The following PRR15L variants were observed in gnomAD, a reference collection of about 807,000 sequenced individuals.
PRR15L encodes proline rich 15 like, also known as proline-rich protein 15-like protein.
Under a neutral mutation model 3.7 loss-of-function variants are expected in PRR15L, and 1 was observed. The ratio of observed to expected loss-of-function variants is 0.27; its 90% CI spans 0.09 to 1.27. The LOEUF (loss-of-function observed/expected upper bound fraction) is 1.27. Ranked by LOEUF, PRR15L falls within the 50% of genes most tolerant of loss-of-function variation. The pLI, the probability that PRR15L is intolerant of heterozygous loss-of-function variation, is 0.47. For missense variants in PRR15L, 127 were observed against 128.7 expected (o/e 0.99, Z 0.06); for synonymous variants, 57 against 51.9 (o/e 1.10, Z -0.42).
chr17:47,955,517 G>A (rs1205933657), intron 1 of PRR15L, among the ~76,000 whole-genome samples: 2 of 150,916 alleles, frequency 1.3e-5, no homozygotes, highest in African/African-American at 4.9e-5. Context: ...TGCCAGCTCT[G>A]TCCCTTTAGC....
At position 47,952,684 on chromosome 17, in the gene PRR15L, T is replaced by C. The variant is rs2875735; in HGVS notation, c.*239A>G. On this transcript the variant is annotated 3_prime_UTR_variant, in exon 2 of 2. Coordinates refer to ENST00000300557, the MANE Select transcript of PRR15L (RefSeq NM_024320.4). ...GTTCCTCCTGGGTGAGACTTTTCAC[T>C]CTTGAACTAGAGTGCCTTTGTATGT... 0.38 allele frequency: 163,468 copies of C among 430,184 alleles called. 32,358 individuals are homozygous for C. The highest frequency in any genetic ancestry group is 0.57 in the East Asian group (15,940 of 28,192). The allele number at this position is 430,184 out of a possible 1,614,324, so 26.6% of individuals were successfully genotyped here.
Position 47,952,012 on chromosome 17 carries a change from C to G in PRR15L, c.*911G>C, listed in dbSNP as rs1231281793. ...TTACTTACATGAAGGAACATAAAGG[C>G]ATGAGAAACAGTCATCTCAATAAAT... is the stretch of plus-strand genomic sequence containing the variant. On this transcript the variant is annotated 3_prime_UTR_variant, in exon 2 of 2. Coordinates refer to ENST00000300557, the MANE Select transcript of PRR15L (RefSeq NM_024320.4). 6.6e-6 allele frequency: 1 copy of G among 152,162 alleles called. No homozygotes were observed. The highest frequency in any genetic ancestry group is 6.5e-5 in the Admixed American group (1 of 15,280). The allele number at this position is 152,162 out of a possible 1,614,324, so 9.4% of individuals were successfully genotyped here. A position where few individuals can be genotyped will look rare whatever the true frequency, so the allele number is the denominator to read the frequency against.
chr17:47,953,258 G>T lies in PRR15L; in HGVS notation c.-24C>A. Reference sequence around the variant, plus strand: ...ATGGCGCTCCCTAAGCCAAGGATGGGGCTTTCTGCTGGAGCAGGGTGGGGG... The same window carrying T: ...ATGGCGCTCCCTAAGCCAAGGATGGTGCTTTCTGCTGGAGCAGGGTGGGGG... On this transcript the variant is annotated 5_prime_UTR_variant, in exon 2 of 2. Transcript: ENST00000300557. 1 of 1,535,606 alleles carries T rather than the reference G, an allele frequency of 6.5e-7. No individual in the cohort carries two copies. The highest frequency in any genetic ancestry group is 8.7e-7 in the Non-Finnish European group (1 of 1,143,264).
At chr17:47,956,628 C>T (rs746664761) in intron 1 of PRR15L, among the ~76,000 whole-genome samples, 3 of 152,280 alleles carry the variant, frequency 2.0e-5, no homozygotes, top group Non-Finnish European at 2.9e-5. Flanking sequence ...AAAAATTAGC[C>T]GACTATTCTT....
At chr17:47,954,132 G>T (rs1035525176) in intron 1 of PRR15L, among the ~76,000 whole-genome samples, 1 of 152,230 alleles carries the variant, frequency 6.6e-6, no homozygotes, top group Admixed American at 6.5e-5. Flanking sequence ...GTGGTGACCA[G>T]CAGGGCTAAA....
intron 1 of PRR15L, among the ~76,000 whole-genome samples, chr17:47,955,364 G>A (rs529333479): frequency 2.0e-5 from 3 of 152,166 alleles, no homozygotes; most frequent in East Asian, 1.9e-4. Flanking sequence ...AGGAGAGCAC[G>A]ACGCAGGCCT....
At position 47,952,732 on chromosome 17, in the gene PRR15L, C is replaced by T; in HGVS notation, c.*191G>A. 1 of 561,700 alleles carries T rather than the reference C, an allele frequency of 1.8e-6. No individual in the cohort carries two copies. The highest frequency in any genetic ancestry group is 3.1e-6 in the Non-Finnish European group (1 of 323,040). 34.8% of individuals were successfully genotyped at this position (561,700 alleles called of 1,614,324 possible). Reference sequence around the variant, plus strand: ...TGTGGTCAGGGGGAGGGTGGAGGACCCTGGGATCTCCCAGGCCTTACAAAA... The same window carrying T: ...TGTGGTCAGGGGGAGGGTGGAGGACTCTGGGATCTCCCAGGCCTTACAAAA... On this transcript the variant is annotated 3_prime_UTR_variant, in exon 2 of 2. Coordinates refer to ENST00000300557, the MANE Select transcript of PRR15L (RefSeq NM_024320.4).
chr17:47,954,522 T>C (rs1263377925), intron 1 of PRR15L, among the ~76,000 whole-genome samples: 1 of 152,130 alleles, frequency 6.6e-6, no homozygotes, highest in Non-Finnish European at 1.5e-5. Flanking sequence ...GGGGCTGAAA[T>C]CCAGGCTTCT....
chr17:47,952,683 C>A lies in PRR15L; in HGVS notation c.*240G>T. ...TGTTCCTCCTGGGTGAGACTTTTCA[C>A]TCTTGAACTAGAGTGCCTTTGTATG... On this transcript the variant is annotated 3_prime_UTR_variant, in exon 2 of 2. Transcript: ENST00000300557. 1 of 429,880 alleles carries A rather than the reference C, an allele frequency of 2.3e-6. No homozygotes were observed. The highest frequency in any genetic ancestry group is 4.2e-6 in the Non-Finnish European group (1 of 239,982). 26.6% of individuals were successfully genotyped at this position (429,880 alleles called of 1,614,324 possible).
At chr17:47,955,186 C>T (rs1210968703) in intron 1 of PRR15L, among the ~76,000 whole-genome samples, 2 of 152,164 alleles carry the variant, frequency 1.3e-5, no homozygotes, top group Non-Finnish European at 2.9e-5. Flanking sequence ...ACCTCGGCCT[C>T]CCAAAGTGCT....
chr17:47,955,704 G>A (rs954245685), intron 1 of PRR15L, among the ~76,000 whole-genome samples: 6 of 152,192 alleles, frequency 3.9e-5, no homozygotes, highest in Non-Finnish European at 2.9e-5. Context: ...GCTTAGCACA[G>A]CCTTGTACAG....
intron 1 of PRR15L, among the ~76,000 whole-genome samples, chr17:47,954,208 G>T (rs1014818663): frequency 2.0e-5 from 3 of 152,200 alleles, no homozygotes; most frequent in Admixed American, 1.3e-4. Context: ...AGTCCTGGGG[G>T]CTGTCCTAGC....
chr17:47,952,567 C>G lies in PRR15L; in HGVS notation c.*356G>C. On this transcript the variant is annotated 3_prime_UTR_variant, in exon 2 of 2. Transcript: ENST00000300557. ...TTGAAACTCGCCCTTGACCCTGTGT[C>G]CAGTAAGGAGGTGAAGTCTGTCTGG... 4.8e-6 allele frequency: 1 copy of G among 209,888 alleles called. No individual in the cohort carries two copies. The highest frequency in any genetic ancestry group is 9.6e-6 in the Non-Finnish European group (1 of 104,586). 13.0% of individuals were successfully genotyped at this position (209,888 alleles called of 1,614,324 possible).
At chr17:47,953,673 AAAG>A (rs1001388726) in intron 1 of PRR15L, among the ~76,000 whole-genome samples, 18 of 149,324 alleles carry the variant, frequency 1.2e-4, no homozygotes, top group Middle Eastern at 3.4e-3. Context: ...AAAAAAAAAG[AAAG>A]AAGAAGAAGA....
rs529724738 is a variant in PRR15L at position 47,952,195 on chromosome 17, A to G, written c.*728T>C. The G allele has an allele frequency of 6.6e-6, 1 of 152,288 alleles. No individual in the cohort carries two copies. Among genetic ancestry groups the G allele is most frequent in the African/African-American group, 2.4e-5 (1 of 41,562 alleles). 9.4% of individuals were successfully genotyped at this position (152,288 alleles called of 1,614,324 possible). A position where few individuals can be genotyped will look rare whatever the true frequency, so the allele number is the denominator to read the frequency against. On this transcript the variant is annotated 3_prime_UTR_variant, in exon 2 of 2. Coordinates refer to ENST00000300557, the MANE Select transcript of PRR15L (RefSeq NM_024320.4). ...ATTATAGTAGGAAAGGGAGAGGAGA[A>G]AATTCCCCACCCACTCCCCCGATTT...
intron 1 of PRR15L, among the ~76,000 whole-genome samples, chr17:47,955,615 T>C (rs1405718452): frequency 1.3e-5 from 2 of 152,180 alleles, no homozygotes; most frequent in East Asian, 1.9e-4. Flanking sequence ...GCTCCATAAA[T>C]ACTTCCAGGG....
At chr17:47,953,360 T>G (rs1354861236) in intron 1 of PRR15L, 97 bp from the exon 2 acceptor site, 3 of 748,208 alleles carry the variant, frequency 4.0e-6, no homozygotes, top group Non-Finnish European at 6.5e-6. Flanking sequence ...ATGGGCTGTT[T>G]TAAGAATTAA....
At chr17:47,953,668 AAAAG>A (rs1344278042) in intron 1 of PRR15L, among the ~76,000 whole-genome samples, 1 of 151,930 alleles carries the variant, frequency 6.6e-6, no homozygotes, top group Non-Finnish European at 1.5e-5. Flanking sequence ...AAAAAAAAAA[AAAAG>A]AAAGAAGAAG....
At chr17:47,953,289 A>G in intron 1 of PRR15L, 26 bp from the exon 2 acceptor site, 1 of 1,436,636 alleles carries the variant, frequency 7.0e-7, no homozygotes. Flanking sequence ...GGGGGAGACA[A>G]AGGGGTCAGT....
Sources: gnomAD v4.1 joint callset for allele counts (sites outside exome capture counted in the v4.1 genomes callset) on GRCh38, gnomAD v4.1.1 for gene constraint, MANE v1.5 for transcripts, NCBI Gene and HGNC (gene_info 2026-07-23, HGNC 2026-07-21) for gene names.